SMIM1: variants seen among roughly 807,000 people sequenced by gnomAD.
SMIM1 encodes small integral membrane protein 1.
In SMIM1, 7 loss-of-function variants were observed where a neutral mutation model predicts 7.7. That is an observed-to-expected ratio of 0.91 (90% CI 0.52 to 1.71). The LOEUF (loss-of-function observed/expected upper bound fraction) is 1.71. Ranked by LOEUF, SMIM1 falls within the 40% of genes most tolerant of loss-of-function variation. The pLI, the probability that SMIM1 is intolerant of heterozygous loss-of-function variation, is 0.00. For missense variants in SMIM1, 95 were observed against 102.8 expected (o/e 0.92, Z 0.33); for synonymous variants, 41 against 42.7 (o/e 0.96, Z 0.16).
intron 2 of SMIM1, among the ~76,000 whole-genome samples, chr1:3,774,356 AC>A (rs1209555236): frequency 6.6e-6 from 1 of 150,982 alleles, no homozygotes; most frequent in African/African-American, 2.4e-5. Flanking sequence ...CCACCCCCAC[AC>A]CCCCTTAGGT....
intron 2 of SMIM1, among the ~76,000 whole-genome samples, chr1:3,774,732 T>G (rs1643431734): frequency 6.6e-6 from 1 of 151,984 alleles, no homozygotes; most frequent in African/African-American, 2.4e-5. Context: ...CCTAGAGGTG[T>G]GGGTGGGGGA....
rs1197254587 is a variant in SMIM1, at chr1:3,774,699, C to T, written c.-75-600C>T. 9.9e-5 allele frequency among the ~76,000 whole-genome samples: 15 copies of T among 152,272 alleles called. No individual in the cohort carries two copies. In the East Asian group the frequency reaches 2.7e-3, roughly 28 times the overall value. Reference sequence around the variant, plus strand: ...CACCCCGGCCCCGTGCTCAGTGCATCATGCCCCCCAAGCCCCAGCCCTCCT... The same window carrying T: ...CACCCCGGCCCCGTGCTCAGTGCATTATGCCCCCCAAGCCCCAGCCCTCCT... On this transcript the variant is annotated intron_variant, in intron 2 of 3. Transcript: ENST00000642557.
In SMIM1 at chr1:3,775,915, CAAAT is replaced by C; in HGVS notation, c.236_*2del. On this transcript the variant is annotated frameshift_variant and stop_lost, in exon 4 of 4. Transcript: ENST00000642557. LOFTEE classifies it high-confidence loss of function. The surrounding 1 kb of genome is among the most constrained non-coding windows in gnomAD (Gnocchi z 5.3). ...TCACAGGCTACTATGTGCACAAGTG[CAAAT>C]AAATGCTGCCCCGCATGCACGCGGG... The C allele has an allele frequency of 6.5e-7, 1 of 1,549,512 alleles. No individual in the cohort carries two copies. Among genetic ancestry groups the C allele is most frequent in the Non-Finnish European group, 8.7e-7 (1 of 1,146,844 alleles).
chr1:3,774,696 C>T (rs1643430886), intron 2 of SMIM1, among the ~76,000 whole-genome samples: 1 of 152,102 alleles, frequency 6.6e-6, no homozygotes, highest in South Asian at 2.1e-4. Flanking sequence ...GTGCTCAGTG[C>T]ATCATGCCCC....
Position 3,775,482 on chromosome 1 carries a change from A to C in SMIM1, c.109A>C (p.Arg37=). The C allele has an allele frequency of 6.5e-7, 1 of 1,548,836 alleles. No homozygotes were observed. The highest frequency in any genetic ancestry group is 8.7e-7 in the Non-Finnish European group (1 of 1,146,144). ...SSTEEASRCR[R]ISQRLCTGKL... is the part of the protein sequence containing the mutation. ...CACAGAAGAGGCCTCACGCTGCCGC[A>C]GGTGAGGGGCCTGAGGGCAGCCTGC... The change falls in exon 3 of 4, where the codon AGG becomes CGG. Residue 37 remains arginine (R), a splice_region_variant and synonymous_variant. Coordinates refer to ENST00000642557, the MANE Select transcript of SMIM1 (RefSeq NM_001288583.2). The surrounding 1 kb of genome is among the most constrained non-coding windows in gnomAD (Gnocchi z 5.3).
Position 3,775,208 on chromosome 1 carries a change from A to G in SMIM1, c.-75-91A>G. 1 of 533,406 alleles carries G rather than the reference A, an allele frequency of 1.9e-6. No individual in the cohort carries two copies. Among genetic ancestry groups the G allele is most frequent in the Admixed American group, 3.2e-5 (1 of 31,720 alleles). 33.0% of individuals were successfully genotyped at this position (533,406 alleles called of 1,614,324 possible). On this transcript the variant is annotated intron_variant, in intron 2 of 3. Coordinates refer to ENST00000642557, the MANE Select transcript of SMIM1 (RefSeq NM_001288583.2). The surrounding 1 kb of genome is among the most constrained non-coding windows in gnomAD (Gnocchi z 5.3). ...GTTAAGTCAGGCGACAGACCCGGTG[A>G]GGGAGTCAGCCCCCGACCCTTAGTG...
chr1:3,775,660 G>T lies in SMIM1; in HGVS notation c.111-135G>T, dbSNP rs907967872. 1.5e-6 allele frequency: 2 copies of T among 1,364,566 alleles called. No individual in the cohort carries two copies. The highest frequency in any genetic ancestry group is 9.7e-7 in the Non-Finnish European group (1 of 1,027,790). The allele number at this position is 1,364,566 out of a possible 1,614,324, so 84.5% of individuals were successfully genotyped here. A position where few individuals can be genotyped will look rare whatever the true frequency, so the allele number is the denominator to read the frequency against. ...GCCTTCCCTCTGGTTGGCTGTGGGCGGGGAGAGCTTCCTCTTGACTCCAGC... is the reference window on the plus strand; with the variant it reads ...GCCTTCCCTCTGGTTGGCTGTGGGCTGGGAGAGCTTCCTCTTGACTCCAGC... On this transcript the variant is annotated intron_variant, in intron 3 of 3. Coordinates refer to ENST00000642557, the MANE Select transcript of SMIM1 (RefSeq NM_001288583.2). The surrounding 1 kb of genome is among the most constrained non-coding windows in gnomAD (Gnocchi z 5.3).
In SMIM1 at chr1:3,774,222, C is replaced by T. The variant is rs189863291; in HGVS notation, c.-76+1041C>T. 1.8e-4 allele frequency among the ~76,000 whole-genome samples: 28 copies of T among 152,254 alleles called. No homozygotes were observed. The East Asian group carries it at 4.4e-3, about 24-fold the overall frequency. Reference sequence around the variant, plus strand: ...AGTGAGGGGCCTGCCATTGCCTGCCCGAGGACCCCACTCCTGGGGGCCAGA... The same window carrying T: ...AGTGAGGGGCCTGCCATTGCCTGCCTGAGGACCCCACTCCTGGGGGCCAGA... On this transcript the variant is annotated intron_variant, in intron 2 of 3. Coordinates refer to ENST00000642557, the MANE Select transcript of SMIM1 (RefSeq NM_001288583.2).
At position 3,775,420 on chromosome 1, in the gene SMIM1, G is replaced by A. The variant is rs1643443588; in HGVS notation, c.47G>A (p.Gly16Asp). The change falls in exon 3 of 4, where the codon GGC (glycine) becomes GAC (aspartate). Residue 16 changes from glycine to aspartate, a missense_variant. Physicochemically the swap from Gly to Asp is moderately conservative, Grantham distance 94. Coordinates refer to ENST00000642557, the MANE Select transcript of SMIM1 (RefSeq NM_001288583.2). This position sits in a 1 kb window ranked among gnomAD's most constrained non-coding sequence, Gnocchi z 5.3. The part of the protein sequence containing the change: ...SHVHYSRWED[G>D]SRDGVSLGAV... Reference sequence around the variant, plus strand: ...GTCCACTATAGTAGGTGGGAGGACGGCAGCAGGGACGGAGTCAGCCTAGGG... The same window carrying A: ...GTCCACTATAGTAGGTGGGAGGACGACAGCAGGGACGGAGTCAGCCTAGGG... 1 of 1,550,630 alleles carries A rather than the reference G, an allele frequency of 6.4e-7. No individual in the cohort carries two copies. Among genetic ancestry groups the A allele is most frequent in the Non-Finnish European group, 8.7e-7 (1 of 1,146,830 alleles).
At chr1:3,774,022 G>T (rs1172299625) in intron 2 of SMIM1, among the ~76,000 whole-genome samples, 1 of 151,364 alleles carries the variant, frequency 6.6e-6, no homozygotes, top group Non-Finnish European at 1.5e-5. Context: ...TCTGGGCTTT[G>T]GGGGAAGGCA....
In SMIM1 at chr1:3,772,778, C is replaced by G. The variant is rs1356325961; in HGVS notation, c.-205C>G. On this transcript the variant is annotated 5_prime_UTR_variant, in exon 1 of 4. Transcript: ENST00000642557. ...CCGGCCCCTGCGGAGCCCAGAGACG[C>G]GGGGACACAGGTGAGGCGCGCGGGG... The G allele has an allele frequency of 6.6e-6, 1 of 152,348 alleles. No homozygotes were observed. The highest frequency in any genetic ancestry group is 1.5e-5 in the Non-Finnish European group (1 of 68,120). 9.4% of individuals were successfully genotyped at this position (152,348 alleles called of 1,614,324 possible). A position where few individuals can be genotyped will look rare whatever the true frequency, so the allele number is the denominator to read the frequency against.
At position 3,775,759 on chromosome 1, in the gene SMIM1, G is replaced by A; in HGVS notation, c.111-36G>A. ...CTTAGGGGGCCCCTCATGCGGCCCT[G>A]GCCTGGGGCTCACCTCCAGTTGGTT... On this transcript the variant is annotated intron_variant, in intron 3 of 3. Coordinates refer to ENST00000642557, the MANE Select transcript of SMIM1 (RefSeq NM_001288583.2). This position sits in a 1 kb window ranked among gnomAD's most constrained non-coding sequence, Gnocchi z 5.3. 1.3e-6 allele frequency: 2 copies of A among 1,543,726 alleles called. No homozygotes were observed. Among genetic ancestry groups the A allele is most frequent in the South Asian group, 1.2e-5 (1 of 83,724 alleles).
At position 3,775,795 on chromosome 1, in the gene SMIM1, G is replaced by C. The variant is rs757740731; in HGVS notation, c.111G>C (p.Arg37Ser). 1 of 1,549,824 alleles carries C rather than the reference G, an allele frequency of 6.5e-7. No individual in the cohort carries two copies. Among genetic ancestry groups the C allele is most frequent in the Non-Finnish European group, 8.7e-7 (1 of 1,146,798 alleles). The change falls in exon 4 of 4, where the codon AGG becomes AGC. Residue 37 changes from arginine (R) to serine (S), a missense_variant and splice_region_variant. Coordinates refer to ENST00000642557, the MANE Select transcript of SMIM1 (RefSeq NM_001288583.2). The surrounding 1 kb of genome is among the most constrained non-coding windows in gnomAD (Gnocchi z 5.3). ...SSTEEASRCR[R>S]ISQRLCTGKL... ...CACCTCCAGTTGGTTCTCACCCCAG[G>C]ATCTCCCAGAGGCTGTGCACGGGCA...
In SMIM1 at chr1:3,775,614, C is replaced by T; in HGVS notation, c.110+131C>T. ...TGGCTGGGAGCCCACGGTCCAGCAG[C>T]TCAGCAAACCGCAGCCTTTGGCCTT... On this transcript the variant is annotated intron_variant, in intron 3 of 3. Coordinates refer to ENST00000642557, the MANE Select transcript of SMIM1 (RefSeq NM_001288583.2). The surrounding 1 kb of genome is among the most constrained non-coding windows in gnomAD (Gnocchi z 5.3). 2 of 1,275,522 alleles carry T rather than the reference C, an allele frequency of 1.6e-6. No individual in the cohort carries two copies. Among genetic ancestry groups the T allele is most frequent in the East Asian group, 2.5e-5 (1 of 39,380 alleles). 79.0% of individuals were successfully genotyped at this position (1,275,522 alleles called of 1,614,324 possible).
Position 3,775,569 on chromosome 1 carries a change from C to T in SMIM1, c.110+86C>T. On this transcript the variant is annotated intron_variant, in intron 3 of 3. Transcript: ENST00000642557. This position sits in a 1 kb window ranked among gnomAD's most constrained non-coding sequence, Gnocchi z 5.3. Reference sequence around the variant, plus strand: ...CTGCCCTAACCCCTGCTACCGGCCCCATCACCCTCCACCCCATCCTGGCTG... The same window carrying T: ...CTGCCCTAACCCCTGCTACCGGCCCTATCACCCTCCACCCCATCCTGGCTG... 7.6e-7 allele frequency: 1 copy of T among 1,324,430 alleles called. No individual in the cohort carries two copies. The highest frequency in any genetic ancestry group is 1.0e-6 in the Non-Finnish European group (1 of 968,930). The allele number at this position is 1,324,430 out of a possible 1,614,324, so 82.0% of individuals were successfully genotyped here. A position where few individuals can be genotyped will look rare whatever the true frequency, so the allele number is the denominator to read the frequency against.
intron 2 of SMIM1, among the ~76,000 whole-genome samples, chr1:3,774,887 C>T (rs891391093): frequency 8.6e-5 from 13 of 151,936 alleles, no homozygotes; most frequent in African/African-American, 1.2e-4. Context: ...CTCCCCTGGC[C>T]AGCCTCCCCA....
rs1157172848 is a variant in SMIM1, at chr1:3,775,818, G to A, written c.134G>A (p.Gly45Asp). Reference protein sequence around the residue: ...CRRISQRLCTGKLGIAMKVLG... With the variant: ...CRRISQRLCTDKLGIAMKVLG... The stretch of plus-strand genomic sequence containing the variant: ...AGGATCTCCCAGAGGCTGTGCACGG[G>A]CAAGCTGGGCATCGCCATGAAGGTG... The change falls in exon 4 of 4, where the codon GGC (glycine) becomes GAC (aspartate). Residue 45 changes from glycine to aspartate, a missense_variant. Gly to Asp is a moderately conservative substitution (Grantham distance 94, BLOSUM62 -1). Coordinates refer to ENST00000642557, the MANE Select transcript of SMIM1 (RefSeq NM_001288583.2). This position sits in a 1 kb window ranked among gnomAD's most constrained non-coding sequence, Gnocchi z 5.3. 3 of 1,550,620 alleles carry A rather than the reference G, an allele frequency of 1.9e-6. No individual in the cohort carries two copies. Among genetic ancestry groups the A allele is most frequent in the Admixed American group, 3.9e-5 (2 of 50,994 alleles).
At position 3,775,832 on chromosome 1, in the gene SMIM1, G is replaced by T. The variant is rs577823210; in HGVS notation, c.148G>T (p.Ala50Ser). The T allele has an allele frequency of 6.4e-7, 1 of 1,550,846 alleles. No individual in the cohort carries two copies. The highest frequency in any genetic ancestry group is 2.4e-5 in the East Asian group (1 of 40,908). The change falls in exon 4 of 4, where the codon GCC becomes TCC. Residue 50 changes from alanine (A) to serine (S), a missense_variant. Coordinates refer to ENST00000642557, the MANE Select transcript of SMIM1 (RefSeq NM_001288583.2). This position sits in a 1 kb window ranked among gnomAD's most constrained non-coding sequence, Gnocchi z 5.3. ...QRLCTGKLGI[A>S]MKVLGGVALF... ...GCTGTGCACGGGCAAGCTGGGCATCGCCATGAAGGTGCTGGGCGGCGTGGC... is the reference window on the plus strand; with the variant it reads ...GCTGTGCACGGGCAAGCTGGGCATCTCCATGAAGGTGCTGGGCGGCGTGGC...
chr1:3,775,348 C>T lies in SMIM1; in HGVS notation c.-26C>T, dbSNP rs759051933. The T allele has an allele frequency of 9.8e-6, 15 of 1,534,168 alleles. No individual in the cohort carries two copies. Among genetic ancestry groups the T allele is most frequent in the East Asian group, 2.5e-5 (1 of 40,794 alleles). ...CTTGATCTCCCCACCGAGAAGGCCC[C>T]GCCCCTCCCGCTGCAGCCCCACAGC... is the stretch of plus-strand genomic sequence containing the variant. On this transcript the variant is annotated 5_prime_UTR_variant, in exon 3 of 4. Coordinates refer to ENST00000642557, the MANE Select transcript of SMIM1 (RefSeq NM_001288583.2). The surrounding 1 kb of genome is among the most constrained non-coding windows in gnomAD (Gnocchi z 5.3).
Sources: gnomAD v4.1 joint callset for allele counts (sites outside exome capture counted in the v4.1 genomes callset) on GRCh38, gnomAD v4.1.1 for gene constraint, Gnocchi (gnomAD v3.1) non-coding constraint, MANE v1.5 for transcripts, NCBI Gene and HGNC (gene_info 2026-07-23, HGNC 2026-07-21) for gene names.